The following KRT7 variants were observed in gnomAD, a reference collection of about 807,000 sequenced individuals.
The protein encoded by KRT7 is keratin 7, also known as keratin, type II cytoskeletal 7.
Under a neutral mutation model 42.8 loss-of-function variants are expected in KRT7, and 50 were observed. The observed-to-expected ratio is 1.17, with a 90% CI of 0.93 to 1.48. The LOEUF (loss-of-function observed/expected upper bound fraction) is 1.48, where lower values mean the gene tolerates loss of function less well. KRT7 is among the 40% of genes most tolerant of loss of function. The pLI is 0.00. For missense variants in KRT7, 588 were observed against 637.6 expected (o/e 0.92, Z 0.84); for synonymous variants, 268 against 266.3 (o/e 1.01, Z -0.06).
At chr12:52,253,390 C>T, downstream of KRT7, 2 of 1,598,870 alleles carry the variant, frequency 1.3e-6, no homozygotes, top group East Asian at 4.5e-5. Flanking sequence ...CCCATCCATT[C>T]AGGACACCAC....
downstream of KRT7, chr12:52,252,562 G>C: frequency 6.6e-7 from 1 of 1,522,986 alleles, no homozygotes; most frequent in Non-Finnish European, 8.9e-7. Flanking sequence ...CCACTGACTA[G>C]CAGAAGAAAA....
chr12:52,242,745 A>G (rs1942111521), intron 5 of KRT7, among the ~76,000 whole-genome samples: 1 of 152,128 alleles, frequency 6.6e-6, no homozygotes. Flanking sequence ...ATTCTCCAGC[A>G]GAAGGGCATG....
intron 2 of KRT7, 60 bp downstream of exon 2, chr12:52,235,426 G>A: frequency 6.9e-7 from 1 of 1,444,620 alleles, no homozygotes; most frequent in Non-Finnish European, 9.4e-7. Flanking sequence ...ACCCTCATGA[G>A]CTGACCCTGT....
At chr12:52,253,855 C>T, downstream of KRT7, 1 of 461,922 alleles carries the variant, frequency 2.2e-6, no homozygotes, top group Non-Finnish European at 4.3e-6. Flanking sequence ...TCCCCTTTCC[C>T]TGCTTCTTCG....
At chr12:52,245,091 C>G in intron 6 of KRT7, 1 of 462,860 alleles carries the variant, frequency 2.2e-6, no homozygotes, top group Non-Finnish European at 3.8e-6. Context: ...GTGTGCTAGA[C>G]ATTGTGCCAC....
At chr12:52,245,383 C>T in intron 6 of KRT7, 29 bp from the exon 7 acceptor site, 1 of 1,609,402 alleles carries the variant, frequency 6.2e-7, no homozygotes, top group Admixed American at 1.7e-5. Flanking sequence ...CTGGTGAGCC[C>T]CAGCTTACAG....
downstream of KRT7, chr12:52,253,201 G>T (rs1421725320): frequency 6.3e-7 from 1 of 1,599,280 alleles, no homozygotes; most frequent in South Asian, 1.1e-5. Context: ...GGGGTGGGCT[G>T]GGCTCCCATA....
rs74761279 is a variant in KRT7, at chr12:52,248,734, G to A, written c.1384G>A (p.Ala462Thr). The A allele has an allele frequency of 5.4e-3, 8,548 of 1,591,588 alleles. 347 individuals are homozygous for A. In the East Asian group the frequency reaches 0.092, roughly 17 times the overall value. ...GGCTTATTCCATCCGGACCGCATCC[G>A]CCAGTCGCAGGAGTGCCCGCGACTG... ...LKAYSIRTAS[A>T]SRRSARD The change falls in exon 9 of 9, where the codon GCC (alanine) becomes ACC (threonine). Residue 462 changes from alanine to threonine, a missense_variant. Ala to Thr is a moderately conservative substitution (Grantham distance 58). Transcript: ENST00000331817.
Position 52,241,823 on chromosome 12 carries a change from A to C in KRT7, c.858+187A>C, listed in dbSNP as rs965018671. 5 of 525,952 alleles carry C rather than the reference A, an allele frequency of 9.5e-6. No individual in the cohort carries two copies. The South Asian group carries it at 1.4e-4, about 15-fold the overall frequency. 32.6% of individuals were successfully genotyped at this position (525,952 alleles called of 1,614,324 possible). A position where few individuals can be genotyped will look rare whatever the true frequency, so the allele number is the denominator to read the frequency against. On this transcript the variant is annotated intron_variant, in intron 5 of 8. Transcript: ENST00000331817. ...TGGGAGGACAGGGCAGAGGAAATAG[A>C]TATGGATTAATCATTATAATAGCTA... is the stretch of plus-strand genomic sequence containing the variant.
downstream of KRT7, chr12:52,251,931 G>A (rs1337561680): frequency 3.9e-6 from 2 of 513,770 alleles, no homozygotes; most frequent in East Asian, 1.0e-4. Flanking sequence ...CATGGCCCAC[G>A]AGCCTAAAGT....
chr12:52,233,416 C>T lies in KRT7; in HGVS notation c.120C>T (p.Tyr40=). ...RPGGLGSSSL[Y]GLGASRPRVA... ...GCGGCCTTGGCAGCAGCAGCCTCTA[C>T]GGCCTCGGCGCCTCACGGCCGCGCG... The change falls in exon 1 of 9, where the codon TAC becomes TAT. Residue 40 remains tyrosine (Y), a synonymous_variant. Coordinates refer to ENST00000331817, the MANE Select transcript of KRT7 (RefSeq NM_005556.4). The T allele has an allele frequency of 9.0e-6, 14 of 1,557,062 alleles. No homozygotes were observed. The South Asian group carries it at 1.2e-4, about 13-fold the overall frequency.
intron 8 of KRT7, 116 bp from the exon 9 acceptor site, chr12:52,248,475 G>T: frequency 8.7e-7 from 1 of 1,151,430 alleles, no homozygotes; most frequent in Non-Finnish European, 1.2e-6. Context: ...GCCCATGGAG[G>T]GGGGCAGGGG....
chr12:52,241,483 G>A lies in KRT7; in HGVS notation c.705G>A (p.Glu235=). ...LRTLNETELT[E]LQSQISDTSV... ...TCTGGTCCCTACAGGAGTTGACAGA[G>A]CTGCAGTCCCAGATCTCCGACACAT... The change falls in exon 5 of 9, where the codon GAG becomes GAA. Residue 235 remains glutamate, a synonymous_variant. Transcript: ENST00000331817. 1 of 1,611,896 alleles carries A rather than the reference G, an allele frequency of 6.2e-7. No individual in the cohort carries two copies. Among genetic ancestry groups the A allele is most frequent in the African/African-American group, 1.3e-5 (1 of 74,976 alleles).
intron 3 of KRT7, among the ~76,000 whole-genome samples, chr12:52,237,887 C>CA (rs1942033915): frequency 6.6e-6 from 1 of 152,332 alleles, no homozygotes; most frequent in South Asian, 2.1e-4. Flanking sequence ...ATTTTCATCA[C>CA]AAAGGTGTTG....
chr12:52,236,368 A>C (rs1592388844), intron 2 of KRT7, among the ~76,000 whole-genome samples: 3 of 145,480 alleles, frequency 2.1e-5, no homozygotes, highest in African/African-American at 2.6e-5. Context: ...CCACCCCCAT[A>C]CTCCCCCCAC....
At position 52,248,719 on chromosome 12, in the gene KRT7, A is replaced by G. The variant is rs1476293638; in HGVS notation, c.1369A>G (p.Ile457Val). Residue 457 changes from isoleucine (I) to valine (V), a missense_variant, in exon 9 of 9, where the codon ATC becomes GTC. Physicochemically the swap from Ile to Val is conservative, Grantham distance 29. Coordinates refer to ENST00000331817, the MANE Select transcript of KRT7 (RefSeq NM_005556.4). ...AGPGLLKAYS[I>V]RTASASRRSA... is the part of the protein sequence containing the mutation. ...TCCTGGGCTCCTGAAGGCTTATTCC[A>G]TCCGGACCGCATCCGCCAGTCGCAG... 6.2e-7 allele frequency: 1 copy of G among 1,605,920 alleles called. No individual in the cohort carries two copies. Among genetic ancestry groups the G allele is most frequent in the African/African-American group, 1.3e-5 (1 of 74,674 alleles).
At chr12:52,253,436 G>A, downstream of KRT7, 1 of 1,552,392 alleles carries the variant, frequency 6.4e-7, no homozygotes, top group South Asian at 1.1e-5. Context: ...CTCAGCCTGT[G>A]CAACCACACA....
At chr12:52,237,356 A>C in intron 2 of KRT7, 153 bp from the exon 3 acceptor site, 2 of 511,820 alleles carry the variant, frequency 3.9e-6, no homozygotes, top group Non-Finnish European at 7.0e-6. Flanking sequence ...AAGTCAGGGA[A>C]ATTTGGTTTT....
At chr12:52,243,766 C>T (rs1038807711) in intron 6 of KRT7, among the ~76,000 whole-genome samples, 2 of 152,244 alleles carry the variant, frequency 1.3e-5, no homozygotes, top group African/African-American at 4.8e-5. Flanking sequence ...GCCCCTCTAT[C>T]GGCAGCCTGT....
Sources: gnomAD v4.1 joint callset for allele counts (sites outside exome capture counted in the v4.1 genomes callset) on GRCh38, gnomAD v4.1.1 for gene constraint, MANE v1.5 for transcripts, NCBI Gene and HGNC (gene_info 2026-07-23, HGNC 2026-07-21) for gene names.